Variants in CMTM4 observed in about 807,000 individuals in gnomAD.
CMTM4 encodes the protein CKLF like MARVEL transmembrane domain containing 4.
A neutral mutation model predicts 19.0 loss-of-function variants in CMTM4; 8 were observed. That is an observed-to-expected ratio of 0.42 (90% CI 0.25 to 0.76). The LOEUF is 0.76. Among genes scored for constraint, CMTM4 ranks in the 30% least tolerant of loss-of-function variants. The pLI, the probability that CMTM4 is intolerant of heterozygous loss-of-function variation, is 0.27. For missense variants in CMTM4, 228 were observed against 290.2 expected (o/e 0.79, Z 1.56); for synonymous variants, 106 against 121.1 (o/e 0.88, Z 0.82).
downstream of CMTM4, chr16:66,613,238 C>T (rs945277843): frequency 7.5e-6 from 5 of 665,784 alleles, no homozygotes; most frequent in Non-Finnish European, 1.4e-5. Flanking sequence ...CCATAACTAA[C>T]ACCTCCCACC....
Position 66,696,591 on chromosome 16 carries a change from G to C in CMTM4, c.-66C>G, listed in dbSNP as rs1447492885. The C allele has an allele frequency of 9.9e-7, 1 of 1,007,646 alleles. No homozygotes were observed. The highest frequency in any genetic ancestry group is 5.6e-5 in the Admixed American group (1 of 17,860). The allele number at this position is 1,007,646 out of a possible 1,614,324, so 62.4% of individuals were successfully genotyped here. On this transcript the variant is annotated 5_prime_UTR_variant, in exon 1 of 4. Coordinates refer to ENST00000394106, the MANE Select transcript of CMTM4 (RefSeq NM_181521.3). The surrounding 1 kb of genome is among the most constrained non-coding windows in gnomAD (Gnocchi z 4.3). ...GGCGCCAGGAGCGGGCGGACTCAGC[G>C]GGGCCGCCGCATCGCCGCCGCCGCC...
At chr16:66,639,143 C>G (rs971067802) in intron 1 of CMTM4, among the ~76,000 whole-genome samples, 1 of 152,184 alleles carries the variant, frequency 6.6e-6, no homozygotes, top group African/African-American at 2.4e-5. Context: ...CTTTAATTCT[C>G]CATCTGAATT....
chr16:66,670,221 C>T (rs1357905483), intron 1 of CMTM4, among the ~76,000 whole-genome samples: 1 of 150,952 alleles, frequency 6.6e-6, no homozygotes, highest in Non-Finnish European at 1.5e-5. Context: ...CCAAGGCGGG[C>T]AGATCACCTG....
chr16:66,607,835 GTTTT>G, the CMTM4 span, among the ~76,000 whole-genome samples: 2 of 145,104 alleles, frequency 1.4e-5, no homozygotes, highest in African/African-American at 5.1e-5. Flanking sequence ...GCCATGCTGG[GTTTT>G]TTTTTTTTGT....
chr16:66,665,139 G>A (rs1002982096), intron 1 of CMTM4, among the ~76,000 whole-genome samples: 1 of 151,326 alleles, frequency 6.6e-6, no homozygotes, highest in Non-Finnish European at 1.5e-5. Context: ...GTAGAGACAG[G>A]GTTTTGCCAC....
intron 1 of CMTM4, among the ~76,000 whole-genome samples, chr16:66,653,640 T>A (rs1460796965): frequency 6.6e-6 from 1 of 152,226 alleles, no homozygotes; most frequent in African/African-American, 2.4e-5. Flanking sequence ...TGAGCCCTTC[T>A]ACTATGAGTC....
intron 2 of CMTM4, among the ~76,000 whole-genome samples, chr16:66,630,817 A>T (rs377605368): frequency 3.4e-5 from 5 of 147,132 alleles, no homozygotes; most frequent in East Asian, 2.1e-4. Context: ...AGTGAGGAGC[A>T]TCTCTGCCCG....
chr16:66,649,873 G>A (rs1026634109), intron 1 of CMTM4, among the ~76,000 whole-genome samples: 8 of 151,534 alleles, frequency 5.3e-5, no homozygotes, highest in Non-Finnish European at 8.8e-5. Context: ...CCACGCCCCA[G>A]GCAAACAGGG....
intron 1 of CMTM4, among the ~76,000 whole-genome samples, chr16:66,680,130 A>G (rs908433881): frequency 6.6e-6 from 1 of 152,210 alleles, no homozygotes; most frequent in Admixed American, 6.5e-5. Flanking sequence ...AGTATCATTT[A>G]TTGATTGAGA....
At chr16:66,625,274 A>C (rs2015713330) in intron 2 of CMTM4, among the ~76,000 whole-genome samples, 1 of 152,014 alleles carries the variant, frequency 6.6e-6, no homozygotes, top group Non-Finnish European at 1.5e-5. Context: ...GTCTCTACTA[A>C]AAATACAAAA....
In CMTM4 at chr16:66,617,321, A is replaced by AT; in HGVS notation, c.*4736dup. 1 of 1,614,082 alleles carries AT rather than the reference A, an allele frequency of 6.2e-7. No homozygotes were observed. The highest frequency in any genetic ancestry group is 8.5e-7 in the Non-Finnish European group (1 of 1,180,012). ...TTCAAACTCAGCAGGTTTGTGGGTG[A>AT]TTTTTTCCTTACTGTTACGTTTGTG... On this transcript the variant is annotated 3_prime_UTR_variant, in exon 4 of 4. Coordinates refer to ENST00000394106, the MANE Select transcript of CMTM4 (RefSeq NM_181521.3).
At chr16:66,611,952 C>A (rs531845500), downstream of CMTM4, among the ~76,000 whole-genome samples, 3 of 151,972 alleles carry the variant, frequency 2.0e-5, no homozygotes, top group South Asian at 6.2e-4. Flanking sequence ...TCCTGCTGAA[C>A]CTGGGGGTGG....
At chr16:66,662,318 A>G (rs777129530) in intron 1 of CMTM4, among the ~76,000 whole-genome samples, 18 of 152,188 alleles carry the variant, frequency 1.2e-4, no homozygotes, top group Admixed American at 4.6e-4. Context: ...TCAGGCTCCT[A>G]TTTTTCCTCC....
At chr16:66,668,071 T>C (rs1043016172) in intron 1 of CMTM4, among the ~76,000 whole-genome samples, 3 of 152,110 alleles carry the variant, frequency 2.0e-5, no homozygotes, top group African/African-American at 4.8e-5. Context: ...GGCAGAATTA[T>C]TGCTCACTGA....
chr16:66,677,425 G>T (rs2016828730), intron 1 of CMTM4, among the ~76,000 whole-genome samples: 1 of 152,252 alleles, frequency 6.6e-6, no homozygotes, highest in African/African-American at 2.4e-5. Context: ...GCGTGTTATT[G>T]TGGGGAACAA....
intron 1 of CMTM4, among the ~76,000 whole-genome samples, chr16:66,672,616 C>T (rs537666190): frequency 6.6e-6 from 1 of 151,804 alleles, no homozygotes; most frequent in South Asian, 2.1e-4. Flanking sequence ...TCTTAAGGGT[C>T]ACTTTTGAGT....
intron 1 of CMTM4, among the ~76,000 whole-genome samples, chr16:66,640,788 T>C (rs1382456636): frequency 6.6e-6 from 1 of 152,120 alleles, no homozygotes; most frequent in Non-Finnish European, 1.5e-5. Flanking sequence ...AGACCACTCA[T>C]GATGGGGAAA....
At chr16:66,627,343 CAA>C (rs1006675471) in intron 2 of CMTM4, among the ~76,000 whole-genome samples, 5 of 152,200 alleles carry the variant, frequency 3.3e-5, no homozygotes, top group Admixed American at 6.5e-5. Flanking sequence ...CATGCATACG[CAA>C]AAGACTGTCT....
At chr16:66,641,280 C>T (rs113573226) in intron 1 of CMTM4, among the ~76,000 whole-genome samples, 6,579 of 152,186 alleles carry the variant, frequency 0.043, 269 homozygotes, top group East Asian at 0.16. Context: ...GAGATCCTCC[C>T]GCCTCAGCCT....
Sources: gnomAD v4.1 joint callset for allele counts (sites outside exome capture counted in the v4.1 genomes callset) on GRCh38, gnomAD v4.1.1 for gene constraint, Gnocchi (gnomAD v3.1) non-coding constraint, MANE v1.5 for transcripts, NCBI Gene and HGNC (gene_info 2026-07-23, HGNC 2026-07-21) for gene names.